The following DNAH8 variants were observed in gnomAD, a reference collection of about 807,000 sequenced individuals.
DNAH8 encodes dynein axonemal heavy chain 8.
Under a neutral mutation model 562.1 loss-of-function variants are expected in DNAH8, and 382 were observed. The observed-to-expected ratio is 0.68, with a 90% CI of 0.63 to 0.74. The LOEUF is 0.74. Among genes scored for constraint, DNAH8 ranks in the 30% least tolerant of loss-of-function variants. The probability of loss-of-function intolerance (pLI) is 0.00; values close to 1 mark genes in which losing one functional copy is unlikely to be tolerated. For missense variants in DNAH8, 5,203 were observed against 5,620.4 expected (o/e 0.93, Z 2.37); for synonymous variants, 1,881 against 1,919.4 (o/e 0.98, Z 0.52).
chr6:38,992,247 T>C (rs2150735628), intron 88 of DNAH8, among the ~76,000 whole-genome samples: 1 of 152,270 alleles, frequency 6.6e-6, no homozygotes. Context: ...GGATTACAGG[T>C]GTGAGCCACC....
At chr6:38,924,468 C>T (rs1416922426) in intron 73 of DNAH8, among the ~76,000 whole-genome samples, 3 of 151,994 alleles carry the variant, frequency 2.0e-5, no homozygotes, top group Admixed American at 1.3e-4. Flanking sequence ...CACGCCACTC[C>T]ACTCCAGACT....
intron 82 of DNAH8, among the ~76,000 whole-genome samples, chr6:38,966,771 T>G (rs760301190): frequency 3.3e-5 from 5 of 152,234 alleles, no homozygotes; most frequent in Admixed American, 6.5e-5. Flanking sequence ...CTGTTTGAGC[T>G]GCTGCAACAA....
intron 76 of DNAH8, among the ~76,000 whole-genome samples, chr6:38,933,910 A>C (rs1478180678): frequency 6.6e-6 from 1 of 152,238 alleles, no homozygotes; most frequent in African/African-American, 2.4e-5. Flanking sequence ...CAGTTTGACA[A>C]ATATTTATTG....
chr6:38,956,049 T>TC (rs762133398), intron 82 of DNAH8, among the ~76,000 whole-genome samples: 4 of 152,216 alleles, frequency 2.6e-5, no homozygotes, highest in Non-Finnish European at 5.9e-5. Flanking sequence ...CAGAGGCTCG[T>TC]CTGCCTGCCA....
chr6:38,730,033 T>C, intron 4 of DNAH8, 47 bp downstream of exon 4: 1 of 855,280 alleles, frequency 1.2e-6, no homozygotes, highest in Non-Finnish European at 1.9e-6. Context: ...TTCATGCACG[T>C]TAAAGTGCAG....
intron 6 of DNAH8, 29 bp downstream of exon 6, chr6:38,737,285 T>C: frequency 7.5e-7 from 1 of 1,339,540 alleles, no homozygotes; most frequent in Non-Finnish European, 9.8e-7. Flanking sequence ...GTTTAGCAAA[T>C]TGCAAAAAAG....
At chr6:38,750,355 A>G (rs1422083294) in intron 8 of DNAH8, 121 bp from the exon 9 acceptor site, 2 of 516,608 alleles carry the variant, frequency 3.9e-6, no homozygotes, top group African/African-American at 2.0e-5. Context: ...TATATTAATC[A>G]CACTTAAATA....
chr6:38,916,076 A>G lies in DNAH8; in HGVS notation c.10140+699A>G, dbSNP rs1362688864. On this transcript the variant is annotated intron_variant, in intron 68 of 92. Transcript: ENST00000327475. ...TTAAAGAATCAATGTGAGCATTAAA[A>G]TTAATTAATACAAAATGCTAGGCAC... is the stretch of plus-strand genomic sequence containing the variant. 5.9e-5 allele frequency among the ~76,000 whole-genome samples: 9 copies of G among 152,190 alleles called. No individual in the cohort carries two copies. The East Asian group carries it at 1.7e-3, about 29-fold the overall frequency.
intron 41 of DNAH8, among the ~76,000 whole-genome samples, chr6:38,856,804 C>G (rs568031061): frequency 6.4e-4 from 98 of 152,166 alleles, no homozygotes; most frequent in Admixed American, 3.5e-3. Flanking sequence ...CTTTTTTGGT[C>G]CAAATGATGT....
chr6:38,805,583 A>G lies in DNAH8; in HGVS notation c.3137A>G (p.Asp1046Gly), dbSNP rs144912598. 2.5e-5 allele frequency: 39 copies of G among 1,550,016 alleles called. No homozygotes were observed. Among genetic ancestry groups the G allele is most frequent in the Non-Finnish European group, 3.5e-5 (39 of 1,122,504 alleles). Residue 1046 changes from aspartate to glycine, a missense_variant, in exon 23 of 93, where the codon GAT becomes GGT. Coordinates refer to ENST00000327475, the MANE Select transcript of DNAH8 (RefSeq NM_001206927.2). ...VNEFDTHDKE[D>G]EFKKECKEVF... ...GAGTTTGATACTCATGATAAAGAAG[A>G]TGAATTTAAAAAGGTATTTATTGTG...
chr6:38,890,706 G>T lies in DNAH8; in HGVS notation c.8528G>T (p.Cys2843Phe). ...DPCRSFKPQI[C>F]EMIVNLVSVG... is the part of the protein sequence containing the mutation. ...TGTAGAAGTTTCAAGCCTCAAATAT[G>T]TGAGATGATTGTGAATTTAGTCTCA... Residue 2843 changes from cysteine (C) to phenylalanine (F), a missense_variant, in exon 58 of 93, where the codon TGT becomes TTT. Coordinates refer to ENST00000327475, the MANE Select transcript of DNAH8 (RefSeq NM_001206927.2). 5 of 1,613,950 alleles carry T rather than the reference G, an allele frequency of 3.1e-6. No individual in the cohort carries two copies. The highest frequency in any genetic ancestry group is 4.2e-6 in the Non-Finnish European group (5 of 1,179,834).
chr6:38,820,943 C>T (rs1283944350), intron 26 of DNAH8, among the ~76,000 whole-genome samples: 1 of 152,162 alleles, frequency 6.6e-6, no homozygotes, highest in Admixed American at 6.5e-5. Context: ...AGAATACTAG[C>T]TCTTACCACA....
In DNAH8 at chr6:39,005,717, A is replaced by G. The variant is rs113338405; in HGVS notation, c.13215-3097A>G. On this transcript the variant is annotated intron_variant, in intron 88 of 92. Transcript: ENST00000327475. ...AGAGTTTTGTTTGGCACACAATTAT[A>G]GGTATATAGTTATTTTATCCTAGCA... 2.0e-3 allele frequency among the ~76,000 whole-genome samples: 303 copies of G among 152,288 alleles called. 1 individual carries two copies. Among genetic ancestry groups the G allele is most frequent in the African/African-American group, 6.9e-3 (285 of 41,544 alleles).
rs9380807 is a variant in DNAH8 at position 38,906,612 on chromosome 6, T to C, written c.9348+205T>C. Among the ~76,000 whole-genome samples, 36,161 of 152,138 alleles carry C rather than the reference T, an allele frequency of 0.24. 5,446 individuals carry two copies. Among genetic ancestry groups the C allele is most frequent in the Non-Finnish European group, 0.34 (23,172 of 67,970 alleles). On this transcript the variant is annotated intron_variant, in intron 63 of 92. Transcript: ENST00000327475. ...CAGATGCTTTGTTTAATTTTGAACA[T>C]GGTTCCTTACTTGTCTCTTCAGTCT...
At position 38,738,868 on chromosome 6, in the gene DNAH8, C is replaced by T. The variant is rs565453736; in HGVS notation, c.1116+896C>T. ...CCCACTGGATAACTCTTGCAGCCACCGTGCCCAGCCAAGACTTCCTATTTT... is the reference window on the plus strand; with the variant it reads ...CCCACTGGATAACTCTTGCAGCCACTGTGCCCAGCCAAGACTTCCTATTTT... On this transcript the variant is annotated intron_variant, in intron 7 of 92. Transcript: ENST00000327475. Among the ~76,000 whole-genome samples, 7 of 152,200 alleles carry T rather than the reference C, an allele frequency of 4.6e-5. No homozygotes were observed. The South Asian group carries it at 8.3e-4, about 18-fold the overall frequency.
intron 68 of DNAH8, among the ~76,000 whole-genome samples, chr6:38,915,835 TACAC>T (rs766390138): frequency 2.4e-5 from 3 of 123,266 alleles, no homozygotes; most frequent in East Asian, 6.7e-4. Flanking sequence ...CTATATATAA[TACAC>T]ACACACACAC....
intron 62 of DNAH8, among the ~76,000 whole-genome samples, chr6:38,901,175 T>G (rs1304102047): frequency 6.6e-6 from 1 of 152,230 alleles, no homozygotes; most frequent in Non-Finnish European, 1.5e-5. Flanking sequence ...CTTTTCATTC[T>G]CTTAGCGGAT....
intron 24 of DNAH8, among the ~76,000 whole-genome samples, chr6:38,813,735 T>C (rs761112233): frequency 3.3e-5 from 5 of 152,202 alleles, no homozygotes; most frequent in Admixed American, 6.5e-5. Flanking sequence ...TATATGCTGG[T>C]GATCTCATCT....
chr6:38,943,463 T>C (rs1042238285), intron 79 of DNAH8, among the ~76,000 whole-genome samples: 2 of 150,688 alleles, frequency 1.3e-5, no homozygotes, highest in Admixed American at 1.3e-4. Flanking sequence ...CAGAAATGTT[T>C]GATTTCCCAA....
Sources: gnomAD v4.1 joint callset for allele counts (sites outside exome capture counted in the v4.1 genomes callset) on GRCh38, gnomAD v4.1.1 for gene constraint, MANE v1.5 for transcripts, NCBI Gene and HGNC (gene_info 2026-07-23, HGNC 2026-07-21) for gene names.